Variants in FMR1 observed in about 807,000 individuals in gnomAD.
The protein encoded by FMR1 is FMRP translational regulator 1.
In FMR1, 13 loss-of-function variants were observed where a neutral mutation model predicts 50.6. The observed-to-expected ratio is 0.26, with a 90% confidence interval of 0.17 to 0.41. The LOEUF (loss-of-function observed/expected upper bound fraction) is 0.41, where lower values mean the gene tolerates loss of function less well. Ranked by LOEUF, FMR1 falls within the 10% of genes least tolerant of loss-of-function variation. The pLI, the probability that FMR1 is intolerant of heterozygous loss-of-function variation, is 1.00. For missense variants in FMR1, 316 were observed against 491.3 expected (o/e 0.64, Z 3.37); for synonymous variants, 138 against 164.1 (o/e 0.84, Z 1.22).
intron 3 of FMR1, among the ~76,000 whole-genome samples, chrX:147,926,043 G>A (rs1047094459): frequency 1.1e-4 from 12 of 112,348 alleles, no homozygotes; most frequent in Non-Finnish European, 2.1e-4. Flanking sequence ...ATTTCTTTAA[G>A]TAGCAGTGAA....
At position 147,950,817 on chromosome X, in the gene FMR1, C is replaced by A. The variant is rs908901856; in HGVS notation, c.*1973C>A. On this transcript the variant is annotated 3_prime_UTR_variant, in exon 17 of 17. Coordinates refer to ENST00000370475, the MANE Select transcript of FMR1 (RefSeq NM_002024.6). ...TTGTTTAATAAAGCGAAAAACTCAACCAAATGGTACAAAACCACAGTGTAC... is the reference window on the plus strand; with the variant it reads ...TTGTTTAATAAAGCGAAAAACTCAAACAAATGGTACAAAACCACAGTGTAC... 2 of 306,503 alleles carry A rather than the reference C, an allele frequency of 6.5e-6. No individual in the cohort carries two copies. The highest frequency in any genetic ancestry group is 1.2e-5 in the Non-Finnish European group (2 of 161,194). The allele number at this position is 306,503 out of a possible 1,213,427, so 25.3% of individuals were successfully genotyped here.
intron 9 of FMR1, among the ~76,000 whole-genome samples, chrX:147,933,877 A>G (rs2043693851): frequency 8.9e-6 from 1 of 112,465 alleles, no homozygotes; most frequent in South Asian, 3.6e-4. Context: ...AACAAACACT[A>G]GAAATGATAA....
At chrX:147,926,081 C>G (rs1167229731) in intron 3 of FMR1, among the ~76,000 whole-genome samples, 1 of 112,260 alleles carries the variant, frequency 8.9e-6, no homozygotes, top group Admixed American at 9.4e-5. Context: ...TAAAAACCTA[C>G]AAGCTTTAGT....
chrX:147,938,445 G>C (rs143515118), intron 12 of FMR1, among the ~76,000 whole-genome samples: 2 of 111,453 alleles, frequency 1.8e-5, no homozygotes, highest in African/African-American at 6.6e-5. Flanking sequence ...GAACATTCTC[G>C]TGCTTATTTT....
intron 2 of FMR1, 73 bp downstream of exon 2, chrX:147,922,058 T>A: frequency 1.5e-6 from 1 of 672,910 alleles, no homozygotes; most frequent in Non-Finnish European, 2.4e-6. Flanking sequence ...CTTCATTTTT[T>A]AAAAATTCAA....
intron 2 of FMR1, among the ~76,000 whole-genome samples, 156 bp downstream of exon 2, chrX:147,922,141 A>C (rs782721471): frequency 8.9e-5 from 10 of 112,282 alleles, no homozygotes; most frequent in African/African-American, 3.2e-4. Context: ...ACTCAGTATT[A>C]AACTAATGGA....
At chrX:147,917,620 AAAAG>A (rs2042939077) in intron 1 of FMR1, among the ~76,000 whole-genome samples, 1 of 112,345 alleles carries the variant, frequency 8.9e-6, no homozygotes, top group Non-Finnish European at 1.9e-5. Flanking sequence ...TTTTTTAAAA[AAAAG>A]AGTGCTTTTG....
intron 4 of FMR1, 129 bp downstream of exon 4, chrX:147,928,522 C>A (rs980005657): frequency 1.4e-4 from 104 of 741,217 alleles, no homozygotes; most frequent in Non-Finnish European, 2.0e-4. Flanking sequence ...AAAATGTTTT[C>A]ACTATGTGTT....
chrX:147,947,726 A>G (rs1194173540), intron 16 of FMR1: 1 of 110,847 alleles, frequency 9.0e-6, no homozygotes, highest in Admixed American at 9.5e-5. Context: ...AAAAAAAAAG[A>G]TACAAATCAA....
intron 16 of FMR1, chrX:147,947,730 AAATCAAAGTACTG>A (rs1259887717): frequency 9.0e-6 from 1 of 111,381 alleles, no homozygotes; most frequent in Non-Finnish European, 1.9e-5. Context: ...AAAAAGATAC[AAATCAAAGTACTG>A]AATCCTTGGT....
intron 15 of FMR1, 127 bp from the exon 16 acceptor site, chrX:147,945,407 A>C: frequency 1.8e-6 from 1 of 549,094 alleles, no homozygotes; most frequent in East Asian, 3.6e-5. Flanking sequence ...GTGTAACTGG[A>C]ATCACTGGGG....
intron 12 of FMR1, chrX:147,940,187 G>A (rs371877884): frequency 7.7e-3 from 557 of 72,148 alleles, no homozygotes; most frequent in Middle Eastern, 0.016. Flanking sequence ...AAACAAAAAA[G>A]AAAAAAAAAA....
At chrX:147,937,974 CTCTGTTTGAACTAA>C in intron 11 of FMR1, 111 bp from the exon 12 acceptor site, 1 of 580,405 alleles carries the variant, frequency 1.7e-6, no homozygotes, top group Non-Finnish European at 3.1e-6. Flanking sequence ...AACTAATTTT[CTCTGTTTGAACTAA>C]TCTGTTTAGA....
At chrX:147,928,104 T>C in intron 3 of FMR1, 1 of 361,445 alleles carries the variant, frequency 2.8e-6, no homozygotes, top group Non-Finnish European at 4.8e-6. Flanking sequence ...AACTGATTTT[T>C]ACAAGGAGCT....
Position 147,950,978 on chromosome X carries a change from T to G in FMR1, c.*2134T>G. On this transcript the variant is annotated 3_prime_UTR_variant, in exon 17 of 17. Coordinates refer to ENST00000370475, the MANE Select transcript of FMR1 (RefSeq NM_002024.6). ...TTCAAATGGAGTTGGAGTTCATTCA[T>G]ATTACAATATTTGTGTGCTAAACGT... 3.8e-6 allele frequency: 1 copy of G among 263,604 alleles called. No homozygotes were observed. The highest frequency in any genetic ancestry group is 3.8e-5 in the South Asian group (1 of 26,469). 21.7% of individuals were successfully genotyped at this position (263,604 alleles called of 1,213,427 possible).
intron 9 of FMR1, among the ~76,000 whole-genome samples, chrX:147,935,569 G>A (rs2043762708): frequency 8.9e-6 from 1 of 112,258 alleles, no homozygotes; most frequent in Non-Finnish European, 1.9e-5. Flanking sequence ...AGAATCAGAT[G>A]TAGTTCACAT....
intron 9 of FMR1, among the ~76,000 whole-genome samples, chrX:147,935,460 T>C (rs1182778969): frequency 8.9e-6 from 1 of 112,312 alleles, no homozygotes; most frequent in Non-Finnish European, 1.9e-5. Context: ...GCTTTGCCTT[T>C]AAAGGCGAAA....
chrX:147,937,041 G>A (rs562812118), intron 10 of FMR1, among the ~76,000 whole-genome samples: 2 of 111,684 alleles, frequency 1.8e-5, no homozygotes, highest in African/African-American at 6.5e-5. Flanking sequence ...TGTAGTATGT[G>A]TGTTTATTCT....
chrX:147,946,598 C>T (rs542629131), intron 16 of FMR1, among the ~76,000 whole-genome samples: 2 of 112,605 alleles, frequency 1.8e-5, no homozygotes, highest in African/African-American at 6.5e-5. Context: ...TATTATTCCA[C>T]TTTATAGGTG....
Sources: allele counts gnomAD v4.1 joint callset (sites outside exome capture counted in the v4.1 genomes callset), GRCh38; gene constraint gnomAD v4.1.1; transcripts MANE v1.5; gene names NCBI Gene and HGNC (gene_info 2026-07-23, HGNC 2026-07-21).